The following RHCE variants were observed in gnomAD, a reference collection of about 807,000 sequenced individuals.
RHCE encodes Rh blood group CcEe antigens.
RHCE carries 22 observed loss-of-function variants against 43.8 expected under a neutral mutation model. The ratio of observed to expected loss-of-function variants is 0.50; its 90% confidence interval spans 0.36 to 0.72. RHCE has a LOEUF of 0.72. Ranked by LOEUF, RHCE falls within the 30% of genes least tolerant of loss-of-function variation. RHCE has a pLI of 0.00. For synonymous variants in RHCE, 156 were observed against 210.7 expected, an observed-to-expected ratio of 0.74 and a Z score of 2.25; for missense variants, 385 against 525.4, an observed-to-expected ratio of 0.73 and a Z score of 2.61.
At chr1:25,383,308 T>C (rs1646055543) in intron 7 of RHCE, among the ~76,000 whole-genome samples, 1 of 152,208 alleles carries the variant, frequency 6.6e-6, no homozygotes, top group Non-Finnish European at 1.5e-5. Context: ...ATATTGTTTG[T>C]GGAATTAATG....
chr1:25,391,949 C>T (rs776160667), intron 4 of RHCE, 45 bp downstream of exon 4: 2 of 1,612,208 alleles, frequency 1.2e-6, no homozygotes, highest in Non-Finnish European at 1.7e-6. Flanking sequence ...CTGAGCCATT[C>T]TGCTCAGCCC....
At chr1:25,374,254 A>G (rs949810486) in intron 8 of RHCE, among the ~76,000 whole-genome samples, 52 of 151,706 alleles carry the variant, frequency 3.4e-4, no homozygotes, top group African/African-American at 1.2e-3. Flanking sequence ...ACGCCTGGCT[A>G]ATTTTTTAAT....
Position 25,411,563 on chromosome 1 carries a change from C to A in RHCE, c.149-2694G>T. On this transcript the variant is annotated intron_variant, in intron 1 of 9. Transcript: ENST00000294413. ...TATAGGAGACCCCCAAGGACCTCCA[C>A]GGGACCTGGGGATTTGGGGCGTGGG... is the stretch of plus-strand genomic sequence containing the variant. 2.6e-6 allele frequency: 3 copies of A among 1,164,508 alleles called. No individual in the cohort carries two copies. In the East Asian group the frequency reaches 8.1e-5, roughly 31 times the overall value. The allele number at this position is 1,164,508 out of a possible 1,614,324, so 72.1% of individuals were successfully genotyped here. A position where few individuals can be genotyped will look rare whatever the true frequency, so the allele number is the denominator to read the frequency against.
chr1:25,406,630 G>GTT (rs556085440), intron 2 of RHCE, among the ~76,000 whole-genome samples: 5 of 80,574 alleles, frequency 6.2e-5, no homozygotes, highest in African/African-American at 1.0e-4. Context: ...GTTGTTTTTG[G>GTT]TTTTTTTTTT....
At chr1:25,378,345 A>G (rs1484786550) in intron 7 of RHCE, among the ~76,000 whole-genome samples, 1 of 152,242 alleles carries the variant, frequency 6.6e-6, no homozygotes, top group Non-Finnish European at 1.5e-5. Context: ...CGTGTGCTCC[A>G]AAAACAAAAG....
intron 1 of RHCE, among the ~76,000 whole-genome samples, chr1:25,412,738 A>AAT (rs1557640718): frequency 3.3e-5 from 5 of 149,688 alleles, no homozygotes; most frequent in African/African-American, 1.2e-4. Context: ...AAAAAAAAAA[A>AAT]AAAAGGCCGG....
intron 1 of RHCE, among the ~76,000 whole-genome samples, chr1:25,413,866 C>G (rs1439307195): frequency 6.6e-6 from 1 of 151,284 alleles, no homozygotes; most frequent in Non-Finnish European, 1.5e-5. Context: ...CTAGGTTTAA[C>G]CATTATGCCA....
intron 1 of RHCE, among the ~76,000 whole-genome samples, chr1:25,416,902 C>T (rs1451119205): frequency 6.9e-6 from 1 of 145,094 alleles, no homozygotes; most frequent in Non-Finnish European, 1.5e-5. Context: ...TCCCTAAGTG[C>T]TCAGCCAGGG....
Position 25,392,103 on chromosome 1 carries a change from G to C in RHCE, c.525C>G (p.Phe175Leu). Residue 175 changes from phenylalanine (F) to leucine (L), a missense_variant, in exon 4 of 10, where the codon TTC becomes TTG. Transcript: ENST00000294413. The stretch of plus-strand genomic sequence containing the variant: ...CCACAGTCAGCCCAAAATAGGCTGC[G>C]AACACGTAGAAGTGCCTCAGGTTCA... The part of the protein sequence containing the change: ...YHMNLRHFYV[F>L]AAYFGLTVAW... 1.2e-6 allele frequency: 2 copies of C among 1,614,138 alleles called. No individual in the cohort carries two copies. Among genetic ancestry groups the C allele is most frequent in the Non-Finnish European group, 1.7e-6 (2 of 1,180,018 alleles).
chr1:25,389,835 G>A (rs1263357989), intron 5 of RHCE, among the ~76,000 whole-genome samples: 1 of 152,060 alleles, frequency 6.6e-6, no homozygotes, highest in Non-Finnish European at 1.5e-5. Context: ...CTCCAGAACC[G>A]GAGCCTTGCC....
intron 5 of RHCE, among the ~76,000 whole-genome samples, 167 bp downstream of exon 5, chr1:25,390,582 G>T (rs922477602): frequency 2.6e-5 from 4 of 152,332 alleles, no homozygotes; most frequent in African/African-American, 9.6e-5. Context: ...CAGGCCCCCT[G>T]TGACCACCCA....
At chr1:25,419,170 G>A (rs2042691562) in intron 1 of RHCE, among the ~76,000 whole-genome samples, 1 of 152,190 alleles carries the variant, frequency 6.6e-6, no homozygotes, top group South Asian at 2.1e-4. Flanking sequence ...GGGTTATTGT[G>A]AGGGTTCAAT....
At chr1:25,411,372 C>T (rs563565018) in intron 1 of RHCE, 9 of 1,550,550 alleles carry the variant, frequency 5.8e-6, no homozygotes, top group Non-Finnish European at 7.8e-6. Context: ...GCTTTGATAA[C>T]AATGAGAAGC....
In RHCE at chr1:25,371,475, A is replaced by AC. The variant is rs901840969; in HGVS notation, c.1154-936dup. ...AGCCTCAAACTCCCAGGCACAAGCA[A>AC]CCCCCCCACCTCAGCCTCCCAAGTA... On this transcript the variant is annotated intron_variant, in intron 8 of 9. Coordinates refer to ENST00000294413, the MANE Select transcript of RHCE (RefSeq NM_020485.8). Among the ~76,000 whole-genome samples the AC allele has an allele frequency of 2.7e-5, 4 of 147,812 alleles. 1 individual carries two copies. Among genetic ancestry groups the AC allele is most frequent in the African/African-American group, 5.1e-5 (2 of 39,432 alleles).
chr1:25,382,327 T>A (rs1646026296), intron 7 of RHCE, among the ~76,000 whole-genome samples: 1 of 149,620 alleles, frequency 6.7e-6, no homozygotes, highest in Non-Finnish European at 1.5e-5. Context: ...GGTTAGTGGT[T>A]ATCCTGGAAT....
chr1:25,362,341 T>A lies in RHCE; in HGVS notation c.*186A>T. 2 of 1,325,304 alleles carry A rather than the reference T, an allele frequency of 1.5e-6. No homozygotes were observed. The highest frequency in any genetic ancestry group is 2.1e-6 in the Non-Finnish European group (2 of 958,374). The allele number at this position is 1,325,304 out of a possible 1,614,324, so 82.1% of individuals were successfully genotyped here. A position where few individuals can be genotyped will look rare whatever the true frequency, so the allele number is the denominator to read the frequency against. On this transcript the variant is annotated 3_prime_UTR_variant, in exon 10 of 10. Transcript: ENST00000294413. Reference sequence around the variant, plus strand: ...AAACTAAACATTTATTTTAAACTTATTAAATTGACTCTTAAACTAAGTTTT... The same window carrying A: ...AAACTAAACATTTATTTTAAACTTAATAAATTGACTCTTAAACTAAGTTTT...
intron 2 of RHCE, among the ~76,000 whole-genome samples, chr1:25,427,102 T>C (rs1244132106): frequency 1.3e-5 from 2 of 151,540 alleles, no homozygotes; most frequent in African/African-American, 2.4e-5. Flanking sequence ...GGTACATGTG[T>C]TAAGAGGTGG....
chr1:25,400,731 G>A lies in RHCE; in HGVS notation c.486+1865C>T, dbSNP rs140766982. 5.6e-3 allele frequency among the ~76,000 whole-genome samples: 848 copies of A among 151,542 alleles called. 24 individuals carry two copies. The highest frequency in any genetic ancestry group is 0.019 in the African/African-American group (795 of 40,972). On this transcript the variant is annotated intron_variant, in intron 3 of 9. Coordinates refer to ENST00000294413, the MANE Select transcript of RHCE (RefSeq NM_020485.8). Reference sequence around the variant, plus strand: ...TACCCGCCCCAACCTTAACCCTAACGCTACCACATTCGACACTGAACTCTG... The same window carrying A: ...TACCCGCCCCAACCTTAACCCTAACACTACCACATTCGACACTGAACTCTG...
intron 2 of RHCE, among the ~76,000 whole-genome samples, chr1:25,405,544 C>T (rs1217598248): frequency 2.0e-5 from 3 of 150,404 alleles, no homozygotes; most frequent in East Asian, 2.0e-4. Flanking sequence ...AAAAATTTAA[C>T]TCAGGAGGCT....
Sources: gnomAD v4.1 joint callset for allele counts (sites outside exome capture counted in the v4.1 genomes callset) on GRCh38, gnomAD v4.1.1 for gene constraint, MANE v1.5 for transcripts, NCBI Gene and HGNC (gene_info 2026-07-23, HGNC 2026-07-21) for gene names.